Variants in UST observed in about 807,000 individuals in gnomAD.
UST encodes the protein uronyl 2-sulfotransferase, also known as chondroitin sulfate 2-O-sulfotransferase.
Under a neutral mutation model 45.6 loss-of-function variants are expected in UST, and 21 were observed. That is an observed-to-expected ratio of 0.46 (90% CI 0.33 to 0.66). The LOEUF (loss-of-function observed/expected upper bound fraction) is 0.66, where lower values mean the gene tolerates loss of function less well. Ranked by LOEUF, UST falls within the 30% of genes least tolerant of loss-of-function variation. UST has a pLI of 0.02. For synonymous variants in UST, 215 were observed against 200.6 expected (o/e 1.07, Z -0.61); for missense variants, 463 against 512.4 (o/e 0.90, Z 0.93).
intron 1 of UST, among the ~76,000 whole-genome samples, chr6:148,752,617 T>G (rs1776010913): frequency 6.6e-6 from 1 of 152,258 alleles, no homozygotes; most frequent in African/African-American, 2.4e-5. Flanking sequence ...AAATGTGGAT[T>G]ATCTAAATAC....
At chr6:148,755,356 CA>C (rs954205562) in intron 1 of UST, among the ~76,000 whole-genome samples, 2 of 152,058 alleles carry the variant, frequency 1.3e-5, no homozygotes, top group African/African-American at 4.8e-5. Context: ...ATTGTTTTTA[CA>C]AAAATGACAG....
intron 4 of UST, among the ~76,000 whole-genome samples, chr6:148,962,674 C>T (rs547623193): frequency 6.9e-4 from 105 of 152,274 alleles, no homozygotes; most frequent in South Asian, 1.2e-3. Context: ...TAACAAGATT[C>T]GCATTGCAAG....
At chr6:148,830,074 A>G (rs1276110914) in intron 1 of UST, among the ~76,000 whole-genome samples, 2 of 152,182 alleles carry the variant, frequency 1.3e-5, no homozygotes, top group East Asian at 1.9e-4. Flanking sequence ...TGAGTGAAAA[A>G]CAGCAAAACC....
At chr6:149,026,502 G>A (rs1435286656) in intron 7 of UST, among the ~76,000 whole-genome samples, 1 of 152,152 alleles carries the variant, frequency 6.6e-6, no homozygotes, top group Non-Finnish European at 1.5e-5. Context: ...TGAGCCATCA[G>A]TATTTTTCTA....
chr6:148,861,945 G>C (rs905388762), intron 1 of UST, among the ~76,000 whole-genome samples: 18 of 69,180 alleles, frequency 2.6e-4, no homozygotes, highest in African/African-American at 5.6e-4. Flanking sequence ...GAATAAGTGT[G>C]ATGTGTGCTG....
intron 3 of UST, 122 bp from the exon 4 acceptor site, chr6:148,953,750 T>A (rs2449394): frequency 7.5e-6 from 3 of 398,436 alleles, no homozygotes; most frequent in Non-Finnish European, 1.2e-5. Flanking sequence ...CCAGCCTGGG[T>A]GACAGAGCGA....
chr6:148,983,171 A>G (rs1248403856), intron 5 of UST, among the ~76,000 whole-genome samples: 1 of 152,256 alleles, frequency 6.6e-6, no homozygotes, highest in Admixed American at 6.5e-5. Flanking sequence ...TCATTAAGTC[A>G]ACCGTCTTCC....
At chr6:149,011,402 T>C (rs1357039781) in intron 5 of UST, among the ~76,000 whole-genome samples, 1 of 152,208 alleles carries the variant, frequency 6.6e-6, no homozygotes, top group African/African-American at 2.4e-5. Flanking sequence ...TAGTATTTGC[T>C]AGCACAACAG....
intron 5 of UST, among the ~76,000 whole-genome samples, chr6:148,975,162 G>C (rs1780992031): frequency 6.6e-6 from 1 of 152,220 alleles, no homozygotes; most frequent in Admixed American, 6.5e-5. Context: ...GACCAGTCTT[G>C]ATGACCGCTC....
At chr6:148,916,232 C>T (rs6899672) in intron 2 of UST, among the ~76,000 whole-genome samples, 6,255 of 152,186 alleles carry the variant, frequency 0.041, 153 homozygotes, top group African/African-American at 0.063. Context: ...AGCCATTTTA[C>T]GGATGGATAA....
At position 148,773,934 on chromosome 6, in the gene UST, G is replaced by T. The variant is rs565360068; in HGVS notation, c.247+26257G>T. 4.9e-4 allele frequency among the ~76,000 whole-genome samples: 74 copies of T among 152,232 alleles called. No individual in the cohort carries two copies. In the South Asian group the frequency reaches 5.4e-3, roughly 11 times the overall value. ...GATCTCCCTGAGAACTTGTCTTGCG[G>T]CCCAATTCCCACCAGCTTCCCTCTG... On this transcript the variant is annotated intron_variant, in intron 1 of 7. Coordinates refer to ENST00000367463, the MANE Select transcript of UST (RefSeq NM_005715.3).
intron 2 of UST, among the ~76,000 whole-genome samples, chr6:148,937,400 G>A (rs902253877): frequency 1.3e-5 from 2 of 152,140 alleles, no homozygotes; most frequent in African/African-American, 4.8e-5. Context: ...TTATAGACGC[G>A]TTCTTTTTAA....
chr6:148,845,613 T>C (rs1777971618), intron 1 of UST, among the ~76,000 whole-genome samples: 1 of 152,204 alleles, frequency 6.6e-6, no homozygotes, highest in African/African-American at 2.4e-5. Flanking sequence ...TTTGAGGACA[T>C]ATGCTTTCAT....
intron 2 of UST, among the ~76,000 whole-genome samples, chr6:148,937,447 A>G (rs1780045691): frequency 6.6e-6 from 1 of 152,234 alleles, no homozygotes; most frequent in Non-Finnish European, 1.5e-5. Context: ...GAAGCTTGCC[A>G]CAAACTAATA....
chr6:149,057,751 A>G (rs1274816704), intron 7 of UST, among the ~76,000 whole-genome samples: 1 of 152,258 alleles, frequency 6.6e-6, no homozygotes, highest in African/African-American at 2.4e-5. Flanking sequence ...ATGGTTAGTT[A>G]AATTTTAAAG....
intron 1 of UST, among the ~76,000 whole-genome samples, chr6:148,858,444 C>T (rs772041781): frequency 6.6e-6 from 1 of 151,500 alleles, no homozygotes; most frequent in Non-Finnish European, 1.5e-5. Flanking sequence ...AGTCCACTGA[C>T]TCAAATGGCA....
At chr6:148,825,739 T>C (rs1306268441) in intron 1 of UST, among the ~76,000 whole-genome samples, 1 of 152,212 alleles carries the variant, frequency 6.6e-6, no homozygotes, top group Non-Finnish European at 1.5e-5. Flanking sequence ...GGAAGAGTTC[T>C]CAGCCTAATA....
chr6:148,867,327 C>CACAT (rs3222514), intron 1 of UST, among the ~76,000 whole-genome samples: 8 of 92,840 alleles, frequency 8.6e-5, no homozygotes, highest in Non-Finnish European at 8.1e-5. Context: ...CACACACACA[C>CACAT]ATATATATGT....
rs1037415239 is a variant in UST at position 149,058,632 on chromosome 6, C to A, written c.938-15201C>A. Among the ~76,000 whole-genome samples, 5 of 152,214 alleles carry A rather than the reference C, an allele frequency of 3.3e-5. No individual in the cohort carries two copies. In the East Asian group the frequency reaches 5.8e-4, roughly 18 times the overall value. On this transcript the variant is annotated intron_variant, in intron 7 of 7. Transcript: ENST00000367463. ...TATCCTTATCAGTCACTGGGTCTGG[C>A]CTTCATAATACGATTTCAAATAAAG...
Sources: gnomAD v4.1 joint callset for allele counts (sites outside exome capture counted in the v4.1 genomes callset) on GRCh38, gnomAD v4.1.1 for gene constraint, MANE v1.5 for transcripts, NCBI Gene and HGNC (gene_info 2026-07-23, HGNC 2026-07-21) for gene names.